CYP7B1: variants seen among roughly 807,000 people sequenced by gnomAD.
CYP7B1 encodes the protein cytochrome P450 family 7 subfamily B member 1.
Under a neutral mutation model 42.7 loss-of-function variants are expected in CYP7B1, and 29 were observed. The ratio of observed to expected loss-of-function variants is 0.68; its 90% confidence interval spans 0.51 to 0.93. The LOEUF is 0.93. Among genes scored for constraint, CYP7B1 ranks in the 40% least tolerant of loss-of-function variants. The pLI is 0.00. For synonymous variants in CYP7B1, 235 were observed against 218.2 expected, an observed-to-expected ratio of 1.08 and a Z score of -0.68; for missense variants, 655 against 600.5, an observed-to-expected ratio of 1.09 and a Z score of -0.95.
At chr8:64,613,176 G>A (rs1461317420) in intron 4 of CYP7B1, among the ~76,000 whole-genome samples, 5 of 152,100 alleles carry the variant, frequency 3.3e-5, no homozygotes, top group Non-Finnish European at 7.4e-5. Context: ...ACTTGCTTGG[G>A]ATTTTTATTG....
At chr8:64,760,592 T>A (rs895707830) in intron 1 of CYP7B1, among the ~76,000 whole-genome samples, 13 of 152,062 alleles carry the variant, frequency 8.5e-5, no homozygotes, top group African/African-American at 3.1e-4. Flanking sequence ...ACCAGGTACA[T>A]GAAAAGGTGG....
chr8:64,741,900 A>G (rs2129633294), intron 1 of CYP7B1, among the ~76,000 whole-genome samples: 1 of 152,364 alleles, frequency 6.6e-6, no homozygotes, highest in Middle Eastern at 3.4e-3. Flanking sequence ...GGAAGGCTCA[A>G]TATTGTTAAG....
At chr8:64,724,118 T>C (rs1030247381) in intron 1 of CYP7B1, among the ~76,000 whole-genome samples, 4 of 150,992 alleles carry the variant, frequency 2.6e-5, no homozygotes, top group African/African-American at 9.8e-5. Context: ...GGGTGGAGGG[T>C]TGGCTAGTAA....
intron 1 of CYP7B1, among the ~76,000 whole-genome samples, chr8:64,750,776 A>G (rs1018169218): frequency 1.3e-5 from 2 of 152,168 alleles, no homozygotes; most frequent in South Asian, 2.1e-4. Flanking sequence ...CCCAGCACCA[A>G]TCTTAATTCT....
At chr8:64,733,956 C>A (rs1214368608) in intron 1 of CYP7B1, among the ~76,000 whole-genome samples, 1 of 151,680 alleles carries the variant, frequency 6.6e-6, no homozygotes, top group Non-Finnish European at 1.5e-5. Context: ...GGCAACAGAG[C>A]CAGACCCCAT....
At chr8:64,610,760 T>A (rs548182889) in intron 4 of CYP7B1, among the ~76,000 whole-genome samples, 1 of 152,240 alleles carries the variant, frequency 6.6e-6, no homozygotes, top group Non-Finnish European at 1.5e-5. Flanking sequence ...TTATAAAAAA[T>A]ACTGGTCAAG....
At position 64,595,756 on chromosome 8, in the gene CYP7B1, T is replaced by G. The variant is rs960664153; in HGVS notation, c.*886A>C. Among the ~76,000 whole-genome samples the G allele has an allele frequency of 6.6e-6, 1 of 152,246 alleles. No homozygotes were observed. The highest frequency in any genetic ancestry group is 1.5e-5 in the Non-Finnish European group (1 of 68,040). On this transcript the variant is annotated 3_prime_UTR_variant, in exon 6 of 6. Coordinates refer to ENST00000310193, the MANE Select transcript of CYP7B1 (RefSeq NM_004820.5). ...AAGGTGAGACATCAAAACCAAATACTATATCTAGCTTCTCAGTTTATATAT... is the reference window on the plus strand; with the variant it reads ...AAGGTGAGACATCAAAACCAAATACGATATCTAGCTTCTCAGTTTATATAT...
intron 1 of CYP7B1, among the ~76,000 whole-genome samples, chr8:64,663,689 A>C (rs1182521195): frequency 6.6e-6 from 1 of 152,040 alleles, no homozygotes; most frequent in African/African-American, 2.4e-5. Flanking sequence ...ACCCTGTGTA[A>C]TCTCGCATCC....
At chr8:64,709,296 TGA>T in intron 1 of CYP7B1, among the ~76,000 whole-genome samples, 1 of 152,232 alleles carries the variant, frequency 6.6e-6, no homozygotes, top group Admixed American at 6.5e-5. Flanking sequence ...TTTGATCTTT[TGA>T]TTTCTATCTT....
At position 64,780,719 on chromosome 8, in the gene CYP7B1, T is replaced by C. The variant is rs1804407144; in HGVS notation, c.122+17747A>G. Among the ~76,000 whole-genome samples the C allele has an allele frequency of 2.6e-5, 4 of 152,172 alleles. No homozygotes were observed. The South Asian group carries it at 8.3e-4, about 31-fold the overall frequency. On this transcript the variant is annotated intron_variant, in intron 1 of 5. Transcript: ENST00000310193. Reference sequence around the variant, plus strand: ...GTAGTTTCAATGGGATTTTACTTTGTATAAAGCACAAAAACCTCCTACAAG... The same window carrying C: ...GTAGTTTCAATGGGATTTTACTTTGCATAAAGCACAAAAACCTCCTACAAG...
At chr8:64,647,168 G>T (rs1207649200) in intron 1 of CYP7B1, among the ~76,000 whole-genome samples, 1 of 152,116 alleles carries the variant, frequency 6.6e-6, no homozygotes, top group Non-Finnish European at 1.5e-5. Context: ...GGAATGGTTG[G>T]TCAGTGGAGC....
At chr8:64,784,445 G>C (rs964968584) in intron 1 of CYP7B1, among the ~76,000 whole-genome samples, 2 of 152,028 alleles carry the variant, frequency 1.3e-5, no homozygotes, top group South Asian at 2.1e-4. Flanking sequence ...CTGTTGACTA[G>C]AGCCTCAATG....
chr8:64,693,093 C>T (rs922325717), intron 1 of CYP7B1, among the ~76,000 whole-genome samples: 3 of 152,188 alleles, frequency 2.0e-5, no homozygotes, highest in Admixed American at 2.0e-4. Flanking sequence ...TCACTGTTCT[C>T]CAAAGGAAGT....
At chr8:64,748,209 G>A (rs145266998) in intron 1 of CYP7B1, among the ~76,000 whole-genome samples, 13 of 152,270 alleles carry the variant, frequency 8.5e-5, no homozygotes, top group African/African-American at 3.1e-4. Context: ...AAGCTCTGAT[G>A]TTGGGTGAGC....
At chr8:64,659,009 TGACCGTG>T (rs1806162246) in intron 1 of CYP7B1, among the ~76,000 whole-genome samples, 1 of 152,190 alleles carries the variant, frequency 6.6e-6, no homozygotes, top group Admixed American at 6.5e-5. Flanking sequence ...GATTGGTCAT[TGACCGTG>T]ATGTGCATCT....
intron 1 of CYP7B1, among the ~76,000 whole-genome samples, chr8:64,682,436 G>A (rs920409211): frequency 6.6e-6 from 1 of 152,226 alleles, no homozygotes; most frequent in African/African-American, 2.4e-5. Flanking sequence ...CATAGGAATA[G>A]AAATGCCCAT....
intron 1 of CYP7B1, among the ~76,000 whole-genome samples, chr8:64,723,006 CT>C (rs947607969): frequency 7.2e-5 from 11 of 151,970 alleles, no homozygotes; most frequent in South Asian, 4.2e-4. Context: ...TCGTAGCTGG[CT>C]TTTTTTTCTG....
chr8:64,686,082 G>A (rs1200816899), intron 1 of CYP7B1, among the ~76,000 whole-genome samples: 347 of 106,352 alleles, frequency 3.3e-3, no homozygotes, highest in Middle Eastern at 5.9e-3. Flanking sequence ...CCGGCCAGCC[G>A]CCCCGTCCGG....
intron 1 of CYP7B1, among the ~76,000 whole-genome samples, chr8:64,782,814 T>C (rs946862313): frequency 1.3e-5 from 2 of 152,204 alleles, no homozygotes; most frequent in Non-Finnish European, 2.9e-5. Flanking sequence ...TTGAATGAAA[T>C]ACAAAATAAA....
Sources: allele counts gnomAD v4.1 joint callset (sites outside exome capture counted in the v4.1 genomes callset), GRCh38; gene constraint gnomAD v4.1.1; transcripts MANE v1.5; gene names NCBI Gene and HGNC (gene_info 2026-07-23, HGNC 2026-07-21).